SPMIP7: variants seen among roughly 807,000 people sequenced by gnomAD.
The protein encoded by SPMIP7 is protein SPMIP7.
chr7:50,121,962 T>A, the SPMIP7 span, among the ~76,000 whole-genome samples: 1 of 58,702 alleles, frequency 1.7e-5, no homozygotes, highest in South Asian at 5.2e-4. Flanking sequence ...TGGCTTTTCT[T>A]TTTAATAGTA....
At chr7:50,126,455 C>A in the SPMIP7 span, among the ~76,000 whole-genome samples, 1 of 151,320 alleles carries the variant, frequency 6.6e-6, no homozygotes, top group East Asian at 1.9e-4. Context: ...TGTTATCAAA[C>A]ATTCTAGGAA....
chr7:50,106,212 A>G, the SPMIP7 span, among the ~76,000 whole-genome samples: 13 of 152,348 alleles, frequency 8.5e-5, no homozygotes, highest in African/African-American at 3.1e-4. Flanking sequence ...TAGACTCTCT[A>G]AAATTTAAGC....
chr7:50,119,624 G>A, the SPMIP7 span, among the ~76,000 whole-genome samples: 1 of 152,212 alleles, frequency 6.6e-6, no homozygotes, highest in East Asian at 1.9e-4. Context: ...CAAAGGAGGA[G>A]TAGAAATTGA....
chr7:50,155,830 C>T, the SPMIP7 span, among the ~76,000 whole-genome samples: 2 of 152,272 alleles, frequency 1.3e-5, no homozygotes, highest in Non-Finnish European at 2.9e-5. Flanking sequence ...TCATCCATGG[C>T]CCTCACTATA....
At chr7:50,124,831 G>T in the SPMIP7 span, among the ~76,000 whole-genome samples, 1 of 152,028 alleles carries the variant, frequency 6.6e-6, no homozygotes, top group East Asian at 1.9e-4. Context: ...GGGTGTGGTG[G>T]CTCACGCCTG....
chr7:50,155,168 C>T, the SPMIP7 span, among the ~76,000 whole-genome samples: 23 of 152,260 alleles, frequency 1.5e-4, no homozygotes, highest in South Asian at 1.5e-3. Flanking sequence ...TTGTTTCCCT[C>T]GCTGCACAGA....
chr7:50,113,295 T>C, the SPMIP7 span, among the ~76,000 whole-genome samples: 1 of 152,036 alleles, frequency 6.6e-6, no homozygotes, highest in Non-Finnish European at 1.5e-5. Context: ...AAGTTCTCAG[T>C]TTAAAAAATA....
At chr7:50,145,030 G>C in the SPMIP7 span, among the ~76,000 whole-genome samples, 1 of 151,986 alleles carries the variant, frequency 6.6e-6, no homozygotes, top group Non-Finnish European at 1.5e-5. Flanking sequence ...GGGAAGCCGA[G>C]GCGGGTGGAT....
At chr7:50,141,918 G>A in the SPMIP7 span, 1 of 152,624 alleles carries the variant, frequency 6.6e-6, no homozygotes, top group South Asian at 2.0e-4. Context: ...TTAGTAGAGA[G>A]GGGGTTTCAC....
the SPMIP7 span, among the ~76,000 whole-genome samples, chr7:50,099,936 A>G: frequency 2.6e-5 from 4 of 152,122 alleles, no homozygotes; most frequent in Admixed American, 2.6e-4. Flanking sequence ...GGTGAGATAA[A>G]TCATAGTTCT....
At chr7:50,146,029 G>A in the SPMIP7 span, among the ~76,000 whole-genome samples, 5 of 152,246 alleles carry the variant, frequency 3.3e-5, no homozygotes, top group East Asian at 9.7e-4. Flanking sequence ...CCATGGAAAA[G>A]GGGGCTTCCC....
chr7:50,134,181 A>G, the SPMIP7 span: 702,828 of 1,549,156 alleles, frequency 0.45, 164,231 homozygotes, highest in East Asian at 0.73. Flanking sequence ...ATTGGAAAAA[A>G]CCGCTGACCC....
the SPMIP7 span, among the ~76,000 whole-genome samples, chr7:50,146,031 G>A: frequency 1.3e-5 from 2 of 152,234 alleles, no homozygotes; most frequent in South Asian, 4.1e-4. Context: ...ATGGAAAAGG[G>A]GGCTTCCCTG....
the SPMIP7 span, among the ~76,000 whole-genome samples, chr7:50,109,366 T>A: frequency 5.1e-3 from 22 of 4,300 alleles, no homozygotes; most frequent in South Asian, 0.025. Context: ...CAGTTTAATT[T>A]ATTTATTTAT....
chr7:50,133,719 T>C, the SPMIP7 span, among the ~76,000 whole-genome samples: 1 of 152,156 alleles, frequency 6.6e-6, no homozygotes, highest in African/African-American at 2.4e-5. Context: ...CCATTTATTG[T>C]GGCTATAGGA....
chr7:50,138,664 A>G, the SPMIP7 span, among the ~76,000 whole-genome samples: 1 of 152,244 alleles, frequency 6.6e-6, no homozygotes, highest in Non-Finnish European at 1.5e-5. Flanking sequence ...GTTTTTGCTA[A>G]ATTTTAATGA....
chr7:50,141,727 C>CTTTTTTTT, the SPMIP7 span: 3,535 of 76,726 alleles, frequency 0.046, 813 homozygotes, highest in African/African-American at 0.089. Context: ...AGAGGAATCA[C>CTTTTTTTT]TTTTTTTTTT....
At chr7:50,158,972 A>C in the SPMIP7 span, 1 of 1,451,020 alleles carries the variant, frequency 6.9e-7, no homozygotes, top group Non-Finnish European at 9.4e-7. Flanking sequence ...GGGTATCATT[A>C]GTTGGATGAG....
chr7:50,158,701 C>A, the SPMIP7 span, among the ~76,000 whole-genome samples: 1 of 152,098 alleles, frequency 6.6e-6, no homozygotes. Context: ...CTGTCCGCCC[C>A]TCACTCCTCC....
Sources: gnomAD v4.1 joint callset for allele counts (sites outside exome capture counted in the v4.1 genomes callset) on GRCh38, gnomAD v4.1.1 for gene constraint, MANE v1.5 for transcripts, NCBI Gene and HGNC (gene_info 2026-07-23, HGNC 2026-07-21) for gene names.